MBTPS1: variants seen among roughly 807,000 people sequenced by gnomAD.
MBTPS1 encodes the protein membrane-bound transcription factor site-1 protease.
MBTPS1 carries 94 observed loss-of-function variants against 127.8 expected under a neutral mutation model. That is an observed-to-expected ratio of 0.74 (90% CI 0.62 to 0.87). The LOEUF is 0.87. Ranked by LOEUF, MBTPS1 falls within the 40% of genes least tolerant of loss-of-function variation. The probability of loss-of-function intolerance (pLI) is 0.00; values close to 1 mark genes in which losing one functional copy is unlikely to be tolerated. For missense variants in MBTPS1, 1,636 were observed against 1,353.2 expected (o/e 1.21, Z -3.28); for synonymous variants, 632 against 509.4 (o/e 1.24, Z -3.24).
In MBTPS1 at chr16:84,087,459, T is replaced by C. The variant is rs1334436876; in HGVS notation, c.1033A>G (p.Thr345Ala). ...AIGNDGPLYG[T>A]LNNPADQMDV... The stretch of plus-strand genomic sequence containing the variant: ...ATTTGATCAGCAGGGTTATTCAGAG[T>C]GCTATATTGAGACCAAAAAAAAAAA... Residue 345 changes from threonine (T) to alanine (A), a missense_variant and splice_region_variant, in exon 9 of 23, where the codon ACT becomes GCT. Transcript: ENST00000343411. The C allele has an allele frequency of 6.5e-7, 1 of 1,541,058 alleles. No homozygotes were observed. Among genetic ancestry groups the C allele is most frequent in the Non-Finnish European group, 8.7e-7 (1 of 1,144,546 alleles).
chr16:84,113,522 T>C (rs2086427499), intron 1 of MBTPS1, among the ~76,000 whole-genome samples: 1 of 152,244 alleles, frequency 6.6e-6, no homozygotes, highest in South Asian at 2.1e-4. Flanking sequence ...AAGAAATGTA[T>C]TACTTGCGCA....
chr16:84,115,747 A>G (rs2086465503), intron 1 of MBTPS1, among the ~76,000 whole-genome samples: 1 of 152,194 alleles, frequency 6.6e-6, no homozygotes, highest in African/African-American at 2.4e-5. Context: ...CATTGACTAC[A>G]ACTGGGCATC....
intron 11 of MBTPS1, among the ~76,000 whole-genome samples, chr16:84,079,606 C>T (rs960124640): frequency 6.6e-6 from 1 of 152,212 alleles, no homozygotes; most frequent in Non-Finnish European, 1.5e-5. Context: ...TACGTATACA[C>T]TACAACTAAG....
At chr16:84,079,570 G>C (rs1366310985) in intron 11 of MBTPS1, among the ~76,000 whole-genome samples, 8 of 152,182 alleles carry the variant, frequency 5.3e-5, no homozygotes, top group Non-Finnish European at 1.0e-4. Flanking sequence ...ACAAGGACAT[G>C]GGCTAGCAGT....
At chr16:84,060,451 T>G (rs764543339) in intron 20 of MBTPS1, 35 of 479,606 alleles carry the variant, frequency 7.3e-5, no homozygotes, top group Non-Finnish European at 1.1e-4. Context: ...GGGGTGCACG[T>G]GGGAAAGCAG....
At chr16:84,064,217 C>A (rs535797746) in intron 18 of MBTPS1, among the ~76,000 whole-genome samples, 240 of 151,686 alleles carry the variant, frequency 1.6e-3, no homozygotes, top group East Asian at 3.5e-3. Context: ...GTGTTGATAA[C>A]ATCTGAAATG....
intron 22 of MBTPS1, among the ~76,000 whole-genome samples, chr16:84,055,073 G>A (rs2085501949): frequency 2.0e-5 from 3 of 152,190 alleles, no homozygotes; most frequent in South Asian, 4.1e-4. Context: ...GGGGCGTGGC[G>A]GAAGAAGCAC....
Position 84,074,684 on chromosome 16 carries a change from G to A in MBTPS1, c.1506C>T (p.Ser502=). ...GCATTCCTCCATAGTAGATGGGCTG[G>A]GAGCAGTAGGGCCACATGTAGGGAC... is the stretch of plus-strand genomic sequence containing the variant. ...TECPYMWPYC[S]QPIYYGGMPT... The change falls in exon 12 of 23, where the codon TCC becomes TCT. Residue 502 remains serine (S), a synonymous_variant. Coordinates refer to ENST00000343411, the MANE Select transcript of MBTPS1 (RefSeq NM_003791.4). 1.2e-6 allele frequency: 2 copies of A among 1,614,128 alleles called. No homozygotes were observed.
chr16:84,083,671 G>A lies in MBTPS1; in HGVS notation c.1286+1312C>T, dbSNP rs186660381. Among the ~76,000 whole-genome samples the A allele has an allele frequency of 1.2e-3, 189 of 152,246 alleles. 1 individual carries two copies. The highest frequency in any genetic ancestry group is 4.5e-3 in the African/African-American group (185 of 41,538). On this transcript the variant is annotated intron_variant, in intron 10 of 22. Coordinates refer to ENST00000343411, the MANE Select transcript of MBTPS1 (RefSeq NM_003791.4). ...GAAATCAATATTCAATTTACTTAAA[G>A]AGAACTTAAAATATAAAGACATTTA...
intron 2 of MBTPS1, among the ~76,000 whole-genome samples, chr16:84,100,334 C>A (rs2086236362): frequency 6.6e-6 from 1 of 152,136 alleles, no homozygotes; most frequent in Non-Finnish European, 1.5e-5. Context: ...CACCTGAGGT[C>A]AAGAGTGCAA....
chr16:84,085,579 C>CCG (rs1567490561), intron 9 of MBTPS1, among the ~76,000 whole-genome samples: 1 of 103,192 alleles, frequency 9.7e-6, no homozygotes, highest in Admixed American at 9.9e-5. Flanking sequence ...CCGCCCCCCC[C>CCG]CCAAAAAAAA....
chr16:84,107,693 C>T (rs564669074), intron 1 of MBTPS1, among the ~76,000 whole-genome samples: 77 of 145,670 alleles, frequency 5.3e-4, no homozygotes, highest in African/African-American at 1.6e-3. Flanking sequence ...TACCAACCCC[C>T]GAACTCCTGG....
At chr16:84,115,179 G>A (rs888854980) in intron 1 of MBTPS1, among the ~76,000 whole-genome samples, 46 of 152,174 alleles carry the variant, frequency 3.0e-4, no homozygotes, top group African/African-American at 8.9e-4. Context: ...CGCCCGCCTC[G>A]GCCTCCCAAA....
intron 2 of MBTPS1, among the ~76,000 whole-genome samples, chr16:84,100,327 C>G (rs2086236320): frequency 1.3e-5 from 2 of 152,070 alleles, no homozygotes; most frequent in African/African-American, 4.8e-5. Context: ...GGAGGATCAC[C>G]TGAGGTCAAG....
At chr16:84,074,465 C>A in intron 12 of MBTPS1, 132 bp downstream of exon 12, 1 of 819,508 alleles carries the variant, frequency 1.2e-6, no homozygotes, top group East Asian at 2.7e-5. Flanking sequence ...AAGTCCTGGG[C>A]TCAAGTGATC....
At chr16:84,112,377 T>G (rs958785879) in intron 1 of MBTPS1, among the ~76,000 whole-genome samples, 1 of 152,066 alleles carries the variant, frequency 6.6e-6, no homozygotes, top group African/African-American at 2.4e-5. Flanking sequence ...TTTTAAAAAC[T>G]TTTCAAATAA....
chr16:84,108,983 G>A (rs1054671844), intron 1 of MBTPS1, among the ~76,000 whole-genome samples: 7 of 152,238 alleles, frequency 4.6e-5, no homozygotes, highest in Non-Finnish European at 1.0e-4. Flanking sequence ...GATGTAGAAA[G>A]AAAGAAATCT....
intron 5 of MBTPS1, 60 bp downstream of exon 5, chr16:84,093,651 T>C (rs2151163977): frequency 8.9e-7 from 1 of 1,119,652 alleles, no homozygotes; most frequent in South Asian, 1.3e-5. Flanking sequence ...TGTGGAATCA[T>C]GCACTAAACA....
rs114963471 is a variant in MBTPS1 at position 84,056,422 on chromosome 16, C to T, written c.2832-287G>A. On this transcript the variant is annotated intron_variant, in intron 21 of 22. Coordinates refer to ENST00000343411, the MANE Select transcript of MBTPS1 (RefSeq NM_003791.4). ...TTGCATAAAGCTAAACATGACCAAG[C>T]GCCTCGGGAGGACACTCCAAGCGAG... is the stretch of plus-strand genomic sequence containing the variant. 538 of 274,860 alleles carry T rather than the reference C, an allele frequency of 2.0e-3. 3 individuals are homozygous for T. The highest frequency in any genetic ancestry group is 0.01 in the African/African-American group (464 of 45,744). 17.0% of individuals were successfully genotyped at this position (274,860 alleles called of 1,614,324 possible). A position where few individuals can be genotyped will look rare whatever the true frequency, so the allele number is the denominator to read the frequency against.
Sources: gnomAD v4.1 joint callset for allele counts (sites outside exome capture counted in the v4.1 genomes callset) on GRCh38, gnomAD v4.1.1 for gene constraint, MANE v1.5 for transcripts, NCBI Gene and HGNC (gene_info 2026-07-23, HGNC 2026-07-21) for gene names.